Variants in GRID2 observed in about 807,000 individuals in gnomAD.
GRID2 encodes glutamate ionotropic receptor delta type subunit 2.
Under a neutral mutation model 114.8 loss-of-function variants are expected in GRID2, and 33 were observed. The ratio of observed to expected loss-of-function variants is 0.29; its 90% CI spans 0.22 to 0.38. The LOEUF (loss-of-function observed/expected upper bound fraction) is 0.38. GRID2 is among the 10% of genes least tolerant of loss of function. GRID2 has a pLI of 1.00. For synonymous variants in GRID2, 505 were observed against 449.9 expected (o/e 1.12, Z -1.55); for missense variants, 1,184 against 1,257.7 (o/e 0.94, Z 0.89).
chr4:93,357,573 T>C (rs1254715049), intron 8 of GRID2, among the ~76,000 whole-genome samples: 3 of 151,554 alleles, frequency 2.0e-5, no homozygotes, highest in Non-Finnish European at 4.4e-5. Flanking sequence ...TCCAAGTTTA[T>C]TTTATTTATA....
At chr4:93,038,431 G>C (rs1273824910) in intron 2 of GRID2, among the ~76,000 whole-genome samples, 2 of 152,122 alleles carry the variant, frequency 1.3e-5, no homozygotes, top group Admixed American at 6.6e-5. Flanking sequence ...CTGGTCATTA[G>C]AGAAAAGCAA....
chr4:92,561,437 C>T (rs1560712335), intron 1 of GRID2, among the ~76,000 whole-genome samples: 1 of 152,192 alleles, frequency 6.6e-6, no homozygotes, highest in Non-Finnish European at 1.5e-5. Context: ...TTGCATTAGG[C>T]ATAAAGAAAT....
chr4:92,982,473 C>G (rs1754278640), intron 2 of GRID2, among the ~76,000 whole-genome samples: 3 of 152,050 alleles, frequency 2.0e-5, no homozygotes, highest in African/African-American at 7.2e-5. Flanking sequence ...TACATAAGTT[C>G]TAAAATCATC....
intron 1 of GRID2, among the ~76,000 whole-genome samples, chr4:92,334,316 A>G (rs948586043): frequency 2.0e-5 from 3 of 152,044 alleles, no homozygotes; most frequent in Non-Finnish European, 2.9e-5. Flanking sequence ...ATTGCCCTTA[A>G]TGTTCCATTT....
intron 1 of GRID2, among the ~76,000 whole-genome samples, chr4:92,497,201 G>A (rs896071): frequency 5.6e-4 from 85 of 151,826 alleles, no homozygotes; most frequent in African/African-American, 1.5e-3. Context: ...CTTCCAAGGC[G>A]TCTTTGAAGG....
chr4:93,725,811 C>T (rs1380137023), intron 14 of GRID2, among the ~76,000 whole-genome samples: 1 of 152,078 alleles, frequency 6.6e-6, no homozygotes, highest in Admixed American at 6.5e-5. Flanking sequence ...ATGTCCTTCG[C>T]CCACTTGTTG....
intron 13 of GRID2, 82 bp downstream of exon 13, chr4:93,515,493 T>G (rs1167364293): frequency 6.2e-6 from 6 of 966,958 alleles, no homozygotes; most frequent in East Asian, 2.5e-5. Context: ...TTGTTTTTTT[T>G]GTTTTGTTTT....
At position 92,813,108 on chromosome 4, in the gene GRID2, C is replaced by T. The variant is rs142781757; in HGVS notation, c.244+222822C>T. On this transcript the variant is annotated intron_variant, in intron 2 of 15. Coordinates refer to ENST00000282020, the MANE Select transcript of GRID2 (RefSeq NM_001510.4). ...TGTCAAATCTTTATGCCCTGCAGTT[C>T]TTAAACTATAACTGATGTTTACAAT... Among the ~76,000 whole-genome samples, 295 of 152,144 alleles carry T rather than the reference C, an allele frequency of 1.9e-3. 1 individual carries two copies. The highest frequency in any genetic ancestry group is 2.8e-3 in the Non-Finnish European group (190 of 67,982).
intron 14 of GRID2, among the ~76,000 whole-genome samples, chr4:93,664,210 G>C (rs935449472): frequency 4.6e-5 from 7 of 152,226 alleles, no homozygotes; most frequent in African/African-American, 7.2e-5. Context: ...AGAGAGCAGA[G>C]AGGGAGGGTC....
Position 93,773,167 on chromosome 4 carries a change from A to G in GRID2, c.*669A>G, listed in dbSNP as rs1734231885. On this transcript the variant is annotated 3_prime_UTR_variant, in exon 16 of 16. Transcript: ENST00000282020. ...GTATTAAAAGTTTTTTCTTATGTAC[A>G]GTAAACTTTATCATATGGCAGAAGC... The G allele has an allele frequency of 6.6e-6, 1 of 152,238 alleles. No individual in the cohort carries two copies. The highest frequency in any genetic ancestry group is 6.5e-5 in the Admixed American group (1 of 15,276). 9.4% of individuals were successfully genotyped at this position (152,238 alleles called of 1,614,324 possible).
chr4:93,467,567 A>G lies in GRID2; in HGVS notation c.1858+11593A>G, dbSNP rs745462160. The stretch of plus-strand genomic sequence containing the variant: ...ATAGTCTCTTCTAAATATAAAAGTC[A>G]TTTTGCTATATCAGCAGGGACTGTC... On this transcript the variant is annotated intron_variant, in intron 11 of 15. Transcript: ENST00000282020. Among the ~76,000 whole-genome samples the G allele has an allele frequency of 1.6e-4, 24 of 152,284 alleles. No homozygotes were observed. The South Asian group carries it at 2.7e-3, about 17-fold the overall frequency.
intron 1 of GRID2, among the ~76,000 whole-genome samples, chr4:92,385,384 G>C (rs540826170): frequency 6.6e-6 from 1 of 151,750 alleles, no homozygotes; most frequent in South Asian, 2.1e-4. Flanking sequence ...TTTTGCATTA[G>C]ATATTTTAAT....
intron 13 of GRID2, among the ~76,000 whole-genome samples, chr4:93,575,409 C>T (rs1736326025): frequency 1.3e-5 from 2 of 152,250 alleles, no homozygotes; most frequent in South Asian, 2.1e-4. Context: ...GTTCTAACAT[C>T]ATGTTACCTT....
chr4:93,704,561 A>G (rs552941891), intron 14 of GRID2, among the ~76,000 whole-genome samples: 1 of 152,106 alleles, frequency 6.6e-6, no homozygotes, highest in South Asian at 2.1e-4. Flanking sequence ...TTATCTTTCT[A>G]ACTATATTTT....
At chr4:93,771,684 C>A (rs113579791) in intron 15 of GRID2, among the ~76,000 whole-genome samples, 131 of 151,952 alleles carry the variant, frequency 8.6e-4, no homozygotes, top group African/African-American at 3.1e-3. Flanking sequence ...AATGAGACGC[C>A]CTGAAAAGGG....
intron 2 of GRID2, among the ~76,000 whole-genome samples, chr4:92,744,313 C>T (rs1373447061): frequency 6.6e-6 from 1 of 151,920 alleles, no homozygotes. Context: ...CATGGTGAAA[C>T]CCCGTCTCTA....
At chr4:93,245,632 G>A (rs1224556398) in intron 8 of GRID2, among the ~76,000 whole-genome samples, 1 of 152,116 alleles carries the variant, frequency 6.6e-6, no homozygotes, top group Admixed American at 6.6e-5. Context: ...AGGCTGTAGT[G>A]GAAAAACGTG....
intron 2 of GRID2, among the ~76,000 whole-genome samples, chr4:92,616,071 ATTTC>A (rs1473916556): frequency 6.6e-6 from 1 of 151,548 alleles, no homozygotes; most frequent in Non-Finnish European, 1.5e-5. Flanking sequence ...TATCTTTTCC[ATTTC>A]TTTCATTTGT....
At chr4:92,419,004 T>C (rs1012725662) in intron 1 of GRID2, among the ~76,000 whole-genome samples, 1 of 152,164 alleles carries the variant, frequency 6.6e-6, no homozygotes, top group African/African-American at 2.4e-5. Context: ...TCTCTTTCTT[T>C]TGAAGGTTTG....
Sources: allele counts gnomAD v4.1 joint callset (sites outside exome capture counted in the v4.1 genomes callset), GRCh38; gene constraint gnomAD v4.1.1; transcripts MANE v1.5; gene names NCBI Gene and HGNC (gene_info 2026-07-23, HGNC 2026-07-21).